The following SEMA6D variants were observed in gnomAD, a reference collection of about 807,000 sequenced individuals.
The protein encoded by SEMA6D is semaphorin-6D.
SEMA6D carries 35 observed loss-of-function variants against 106.6 expected under a neutral mutation model. That is an observed-to-expected ratio of 0.33 (90% CI 0.25 to 0.44). SEMA6D has a LOEUF of 0.44. Among genes scored for constraint, SEMA6D ranks in the 20% least tolerant of loss-of-function variants. SEMA6D has a pLI of 1.00. For synonymous variants in SEMA6D, 499 were observed against 487.7 expected (o/e 1.02, Z -0.31); for missense variants, 1,185 against 1,345.9 (o/e 0.88, Z 1.87).
intron 3 of SEMA6D, among the ~76,000 whole-genome samples, chr15:47,523,524 T>A (rs1334719329): frequency 6.6e-6 from 1 of 152,114 alleles, no homozygotes; most frequent in Non-Finnish European, 1.5e-5. Context: ...CTCATCGTCC[T>A]CTCATGGAAC....
chr15:47,235,011 T>A (rs1010644886), intron 1 of SEMA6D, among the ~76,000 whole-genome samples: 2 of 152,124 alleles, frequency 1.3e-5, no homozygotes, highest in Non-Finnish European at 2.9e-5. Flanking sequence ...CAACATCTAC[T>A]GTTTTTTGAC....
chr15:47,242,408 G>C (rs879931434), intron 1 of SEMA6D, among the ~76,000 whole-genome samples: 1 of 152,128 alleles, frequency 6.6e-6, no homozygotes, highest in Non-Finnish European at 1.5e-5. Context: ...CCTCAAAGCT[G>C]AGCTGCTTAT....
At position 47,538,857 on chromosome 15, in the gene SEMA6D, G is replaced by A. The variant is rs192061914; in HGVS notation, c.-86-62008G>A. Among the ~76,000 whole-genome samples, 15 of 152,242 alleles carry A rather than the reference G, an allele frequency of 9.9e-5. No homozygotes were observed. In the East Asian group the frequency reaches 2.9e-3, roughly 29 times the overall value. On this transcript the variant is annotated intron_variant, in intron 3 of 19. Transcript: ENST00000558014. ...ACTTTAGAAAATTTGGTTATTTAAA[G>A]AGGATACAAAGAACAGACACACCTT...
chr15:47,273,910 T>C (rs1395601684), intron 1 of SEMA6D, among the ~76,000 whole-genome samples: 2 of 152,206 alleles, frequency 1.3e-5, no homozygotes, highest in Admixed American at 6.6e-5. Flanking sequence ...GAGAAACTTC[T>C]GCCAGTGACT....
intron 3 of SEMA6D, among the ~76,000 whole-genome samples, chr15:47,516,429 A>G (rs1037139784): frequency 9.9e-5 from 15 of 152,172 alleles, no homozygotes; most frequent in Admixed American, 8.5e-4. Context: ...TTACTTTTCA[A>G]TGCTATTGAT....
intron 4 of SEMA6D, among the ~76,000 whole-genome samples, chr15:47,627,327 T>G (rs2077219997): frequency 6.6e-6 from 1 of 152,150 alleles, no homozygotes; most frequent in South Asian, 2.1e-4. Flanking sequence ...GAGGGAGTAT[T>G]TAAATGTGCC....
intron 4 of SEMA6D, among the ~76,000 whole-genome samples, chr15:47,696,823 A>G (rs1430564111): frequency 6.6e-6 from 1 of 152,212 alleles, no homozygotes; most frequent in Non-Finnish European, 1.5e-5. Flanking sequence ...GGTGATAGTA[A>G]TATCTGTCTC....
At chr15:47,677,428 T>G in intron 4 of SEMA6D, among the ~76,000 whole-genome samples, 1 of 152,250 alleles carries the variant, frequency 6.6e-6, no homozygotes, top group Non-Finnish European at 1.5e-5. Flanking sequence ...CCTTTCAATT[T>G]TCCAGTGTCA....
intron 1 of SEMA6D, among the ~76,000 whole-genome samples, chr15:47,379,349 A>G (rs1194764297): frequency 4.6e-5 from 7 of 152,238 alleles, no homozygotes; most frequent in African/African-American, 1.7e-4. Flanking sequence ...TAGGTCAGTA[A>G]AGATACATCG....
chr15:47,494,216 C>T (rs566838157), intron 3 of SEMA6D, among the ~76,000 whole-genome samples: 9 of 152,100 alleles, frequency 5.9e-5, no homozygotes, highest in Non-Finnish European at 1.3e-4. Flanking sequence ...GTCCATCAAA[C>T]AGTAAATACT....
At chr15:47,229,190 G>T (rs2032016816) in intron 1 of SEMA6D, among the ~76,000 whole-genome samples, 1 of 152,002 alleles carries the variant, frequency 6.6e-6, no homozygotes, top group South Asian at 2.1e-4. Flanking sequence ...ATAAAGAGTT[G>T]ACTTCTTCCA....
intron 3 of SEMA6D, among the ~76,000 whole-genome samples, chr15:47,591,802 T>C (rs2076445275): frequency 6.6e-6 from 1 of 152,190 alleles, no homozygotes; most frequent in Admixed American, 6.5e-5. Flanking sequence ...AGAATTTTCA[T>C]ATACTGGCAT....
chr15:47,513,225 C>T (rs144145487), intron 3 of SEMA6D, among the ~76,000 whole-genome samples: 2 of 151,834 alleles, frequency 1.3e-5, no homozygotes, highest in South Asian at 4.2e-4. Flanking sequence ...GGAACACAGG[C>T]AGATTGATTT....
chr15:47,411,816 C>CA (rs1189119256), intron 1 of SEMA6D, among the ~76,000 whole-genome samples: 1 of 151,978 alleles, frequency 6.6e-6, no homozygotes, highest in Non-Finnish European at 1.5e-5. Flanking sequence ...GTAGCGTGGT[C>CA]AGAACAAGAT....
intron 1 of SEMA6D, among the ~76,000 whole-genome samples, chr15:47,355,071 T>C (rs982286433): frequency 6.6e-6 from 1 of 152,144 alleles, no homozygotes; most frequent in Non-Finnish European, 1.5e-5. Context: ...AAACTCTAAA[T>C]TGTGTACCCT....
chr15:47,341,110 TA>T, intron 1 of SEMA6D, among the ~76,000 whole-genome samples: 1 of 152,066 alleles, frequency 6.6e-6, no homozygotes, highest in East Asian at 1.9e-4. Flanking sequence ...AAAATAGAGT[TA>T]GGGGCTGGGC....
chr15:47,333,244 T>C (rs2037415092), intron 1 of SEMA6D, among the ~76,000 whole-genome samples: 1 of 152,176 alleles, frequency 6.6e-6, no homozygotes, highest in Admixed American at 6.6e-5. Context: ...CAGATTACAA[T>C]TTAATGAGTG....
chr15:47,457,430 G>A (rs1351616913), intron 2 of SEMA6D, among the ~76,000 whole-genome samples: 3 of 151,884 alleles, frequency 2.0e-5, no homozygotes, highest in African/African-American at 7.2e-5. Context: ...ATATTAAGCA[G>A]TATTATAAGT....
intron 1 of SEMA6D, among the ~76,000 whole-genome samples, chr15:47,268,679 A>T (rs967677405): frequency 2.6e-5 from 4 of 152,086 alleles, no homozygotes; most frequent in Non-Finnish European, 4.4e-5. Flanking sequence ...TCCTTTCCTT[A>T]TCCCATGACT....
Sources: allele counts gnomAD v4.1 joint callset (sites outside exome capture counted in the v4.1 genomes callset), GRCh38; gene constraint gnomAD v4.1.1; transcripts MANE v1.5; gene names NCBI Gene and HGNC (gene_info 2026-07-23, HGNC 2026-07-21).